Variants in MCM5 observed in about 807,000 individuals in gnomAD.
MCM5 encodes the protein DNA replication licensing factor MCM5.
In MCM5, 46 loss-of-function variants were observed where a neutral mutation model predicts 79.9. The observed-to-expected ratio is 0.58, with a 90% CI of 0.45 to 0.74. The LOEUF (loss-of-function observed/expected upper bound fraction) is 0.74, where lower values mean the gene tolerates loss of function less well. Ranked by LOEUF, MCM5 falls within the 30% of genes least tolerant of loss-of-function variation. MCM5 has a pLI of 0.00. For synonymous variants in MCM5, 404 were observed against 390.5 expected (o/e 1.03, Z -0.41); for missense variants, 883 against 1,017.0 (o/e 0.87, Z 1.79).
At chr22:35,412,735 AG>A in intron 8 of MCM5, 54 bp downstream of exon 8, 3 of 1,359,208 alleles carry the variant, frequency 2.2e-6, no homozygotes, top group Non-Finnish European at 2.9e-6. Context: ...TGGGGCTCAC[AG>A]TAGGATAATT....
At chr22:35,429,360 T>C (rs549113312), downstream of MCM5, among the ~76,000 whole-genome samples, 5 of 152,232 alleles carry the variant, frequency 3.3e-5, no homozygotes, top group African/African-American at 7.2e-5. Flanking sequence ...TACAAGACTT[T>C]GAGGAAATGA....
chr22:35,406,383 C>G (rs1932215984), intron 4 of MCM5, among the ~76,000 whole-genome samples, 170 bp from the exon 5 acceptor site: 1 of 149,078 alleles, frequency 6.7e-6, no homozygotes, highest in South Asian at 2.1e-4. Context: ...GATAGCCTGG[C>G]ACTGGGTGGA....
At chr22:35,431,974 C>A in the MCM5 span, among the ~76,000 whole-genome samples, 1 of 152,148 alleles carries the variant, frequency 6.6e-6, no homozygotes, top group African/African-American at 2.4e-5. Context: ...CCAGAAGGAA[C>A]GTGGTGGCAT....
chr22:35,410,422 G>A (rs1475035102), intron 6 of MCM5: 1 of 343,274 alleles, frequency 2.9e-6, no homozygotes, highest in Admixed American at 3.9e-5. Flanking sequence ...GCTTTTGGAG[G>A]GCTCTGTGGG....
In MCM5 at chr22:35,425,311, G is replaced by C. The variant is rs1932768455; in HGVS notation, c.*1056G>C. On this transcript the variant is annotated 3_prime_UTR_variant, in exon 17 of 17. Transcript: ENST00000216122. ...AGAAATACAAAGTGTCAAGCAAAACGTGAATTTGGAAATCTATGGAACATT... is the reference window on the plus strand; with the variant it reads ...AGAAATACAAAGTGTCAAGCAAAACCTGAATTTGGAAATCTATGGAACATT... 1.3e-5 allele frequency: 2 copies of C among 152,200 alleles called. No individual in the cohort carries two copies. Among genetic ancestry groups the C allele is most frequent in the South Asian group, 4.1e-4 (2 of 4,830 alleles). 9.4% of individuals were successfully genotyped at this position (152,200 alleles called of 1,614,324 possible).
intron 10 of MCM5, 41 bp downstream of exon 10, chr22:35,416,013 C>T (rs1472691166): frequency 6.3e-7 from 1 of 1,597,584 alleles, no homozygotes; most frequent in Non-Finnish European, 8.6e-7. Context: ...AGGTGGGTGG[C>T]ACCAGGGTAT....
At chr22:35,411,279 C>T (rs780655442) in intron 7 of MCM5, 12 of 175,786 alleles carry the variant, frequency 6.8e-5, no homozygotes, top group Non-Finnish European at 1.1e-4. Flanking sequence ...ACTGTGAGAC[C>T]GCTGGGGACA....
the MCM5 span, among the ~76,000 whole-genome samples, chr22:35,441,933 A>G: frequency 6.6e-6 from 1 of 152,064 alleles, no homozygotes; most frequent in South Asian, 2.1e-4. Context: ...TCCGGTTCAG[A>G]GGCCCCTTCC....
intron 2 of MCM5, among the ~76,000 whole-genome samples, chr22:35,402,336 T>G (rs1351561862): frequency 1.3e-5 from 2 of 151,660 alleles, no homozygotes; most frequent in Non-Finnish European, 2.9e-5. Flanking sequence ...TTTTTGTTTT[T>G]TTTTTTTTGA....
At chr22:35,413,754 C>G (rs1014199729) in intron 8 of MCM5, 121 bp from the exon 9 acceptor site, 1 of 671,894 alleles carries the variant, frequency 1.5e-6, no homozygotes, top group African/African-American at 1.8e-5. Flanking sequence ...TACCTTCTTA[C>G]CAACTCTGAG....
chr22:35,403,860 A>G (rs532399893), intron 4 of MCM5, among the ~76,000 whole-genome samples: 22 of 152,206 alleles, frequency 1.4e-4, no homozygotes, highest in South Asian at 4.1e-4. Context: ...TCATGCCTCT[A>G]ATCTTAGCAC....
chr22:35,410,149 A>T (rs1176367747), intron 6 of MCM5: 1 of 159,500 alleles, frequency 6.3e-6, no homozygotes, highest in Non-Finnish European at 1.4e-5. Context: ...AGGTGCAATG[A>T]CTTCGTTGAG....
intron 2 of MCM5, chr22:35,401,476 C>T (rs761627448): frequency 1.3e-5 from 6 of 470,130 alleles, no homozygotes; most frequent in African/African-American, 2.0e-5. Context: ...GGTGATTGTA[C>T]GACCTGTGAC....
At chr22:35,426,475 C>T (rs893851803), downstream of MCM5, among the ~76,000 whole-genome samples, 1 of 152,156 alleles carries the variant, frequency 6.6e-6, no homozygotes, top group Admixed American at 6.5e-5. Context: ...GGTGGCTGAG[C>T]TCTTCACTCA....
downstream of MCM5, among the ~76,000 whole-genome samples, chr22:35,426,011 C>G (rs1208816146): frequency 6.6e-6 from 1 of 152,102 alleles, no homozygotes; most frequent in Non-Finnish European, 1.5e-5. Context: ...CTGACCTCGG[C>G]CTGAGTGGGA....
At chr22:35,410,358 T>C in intron 6 of MCM5, 1 of 231,056 alleles carries the variant, frequency 4.3e-6, no homozygotes, top group South Asian at 5.3e-5. Flanking sequence ...AGTCTTGCCC[T>C]GAGAGGCTAA....
At chr22:35,449,117 C>T in the MCM5 span, among the ~76,000 whole-genome samples, 1 of 152,118 alleles carries the variant, frequency 6.6e-6, no homozygotes, top group Admixed American at 6.5e-5. Context: ...GAAAGCAACC[C>T]GTATGGGCTT....
chr22:35,431,964 C>T, the MCM5 span, among the ~76,000 whole-genome samples: 1 of 152,160 alleles, frequency 6.6e-6, no homozygotes, highest in African/African-American at 2.4e-5. Flanking sequence ...GTGCCTTTCC[C>T]CAGAAGGAAC....
At chr22:35,433,434 CACAA>C in the MCM5 span, among the ~76,000 whole-genome samples, 37 of 152,304 alleles carry the variant, frequency 2.4e-4, no homozygotes, top group African/African-American at 7.7e-4. Flanking sequence ...GTGGCATGCT[CACAA>C]ACAGTCTGTT....
Sources: allele counts gnomAD v4.1 joint callset (sites outside exome capture counted in the v4.1 genomes callset), GRCh38; gene constraint gnomAD v4.1.1; transcripts MANE v1.5; gene names NCBI Gene and HGNC (gene_info 2026-07-23, HGNC 2026-07-21).